KHDRBS2: variants seen among roughly 807,000 people sequenced by gnomAD.
The protein encoded by KHDRBS2 is KH domain-containing, RNA-binding, signal transduction-associated protein 2.
In KHDRBS2, 26 loss-of-function variants were observed where a neutral mutation model predicts 44.3. The ratio of observed to expected loss-of-function variants is 0.59; its 90% CI spans 0.43 to 0.81. The LOEUF is 0.81. Among genes scored for constraint, KHDRBS2 ranks in the 40% least tolerant of loss-of-function variants. KHDRBS2 has a pLI of 0.00. For synonymous variants in KHDRBS2, 194 were observed against 151.1 expected, an observed-to-expected ratio of 1.28 and a Z score of -2.08; for missense variants, 476 against 433.1, an observed-to-expected ratio of 1.10 and a Z score of -0.88.
chr6:62,254,656 T>G (rs1837080288), intron 1 of KHDRBS2, among the ~76,000 whole-genome samples: 1 of 151,982 alleles, frequency 6.6e-6, no homozygotes, highest in South Asian at 2.1e-4. Context: ...AAACCCACAC[T>G]GCTGGCATAA....
At chr6:62,269,309 T>C (rs1378408944) in intron 1 of KHDRBS2, among the ~76,000 whole-genome samples, 1 of 152,022 alleles carries the variant, frequency 6.6e-6, no homozygotes, top group Non-Finnish European at 1.5e-5. Context: ...CTGAGCCACA[T>C]ATTAGGGAAA....
chr6:61,593,253 G>A, the KHDRBS2 span, among the ~76,000 whole-genome samples: 52,263 of 151,878 alleles, frequency 0.34, 9,738 homozygotes, highest in East Asian at 0.49. Flanking sequence ...ATGTCAAGTT[G>A]TCTAGTTTCA....
rs530943289 is a variant in KHDRBS2, at chr6:61,823,285, T to C, written c.810+71350A>G. ...CCCCAGATCATCAGTGAGGAAAAAT[T>C]CAGTTTATATTGGAACCCTATAAAA... is the stretch of plus-strand genomic sequence containing the variant. On this transcript the variant is annotated intron_variant, in intron 6 of 8. Transcript: ENST00000281156. 2.6e-5 allele frequency among the ~76,000 whole-genome samples: 4 copies of C among 152,190 alleles called. No individual in the cohort carries two copies. In the East Asian group the frequency reaches 7.7e-4, roughly 29 times the overall value.
chr6:62,207,702 T>G (rs1828239934), intron 1 of KHDRBS2, among the ~76,000 whole-genome samples: 1 of 152,206 alleles, frequency 6.6e-6, no homozygotes, highest in African/African-American at 2.4e-5. Flanking sequence ...GATTGTCATA[T>G]GGCTAAACCT....
chr6:62,014,152 A>AATAAGT (rs573488135), intron 3 of KHDRBS2, among the ~76,000 whole-genome samples: 84 of 152,284 alleles, frequency 5.5e-4, no homozygotes, highest in African/African-American at 1.9e-3. Flanking sequence ...ATTTTAATAA[A>AATAAGT]ATTAGTTATT....
chr6:61,972,170 T>C (rs1240480367), intron 4 of KHDRBS2, among the ~76,000 whole-genome samples: 1 of 152,204 alleles, frequency 6.6e-6, no homozygotes, highest in African/African-American at 2.4e-5. Flanking sequence ...CATATGATTA[T>C]TATGCCAACT....
At chr6:61,951,253 G>C (rs1764676082) in intron 4 of KHDRBS2, among the ~76,000 whole-genome samples, 2 of 151,948 alleles carry the variant, frequency 1.3e-5, no homozygotes, top group Admixed American at 1.3e-4. Context: ...AGGTAGACTT[G>C]AGATTGACAA....
At chr6:62,131,181 C>T (rs769654938) in intron 2 of KHDRBS2, among the ~76,000 whole-genome samples, 1 of 152,162 alleles carries the variant, frequency 6.6e-6, no homozygotes, top group Non-Finnish European at 1.5e-5. Flanking sequence ...TTTGCCCACA[C>T]TTGAGAACCT....
At chr6:62,216,776 A>G (rs1174840656) in intron 1 of KHDRBS2, among the ~76,000 whole-genome samples, 1 of 150,094 alleles carries the variant, frequency 6.7e-6, no homozygotes, top group Non-Finnish European at 1.5e-5. Context: ...AGACCAGGAT[A>G]GACTTTAGAT....
At chr6:61,763,963 C>T (rs1779631970) in intron 6 of KHDRBS2, among the ~76,000 whole-genome samples, 1 of 152,102 alleles carries the variant, frequency 6.6e-6, no homozygotes, top group South Asian at 2.1e-4. Flanking sequence ...AGCTGTTTAT[C>T]CTGATGCTTT....
At chr6:61,547,688 C>T in the KHDRBS2 span, among the ~76,000 whole-genome samples, 3 of 152,244 alleles carry the variant, frequency 2.0e-5, no homozygotes, top group Non-Finnish European at 4.4e-5. Flanking sequence ...CCAATTAAGC[C>T]AGTGTCTCTA....
intron 4 of KHDRBS2, among the ~76,000 whole-genome samples, chr6:61,912,886 T>C (rs1806301878): frequency 6.6e-6 from 1 of 152,196 alleles, no homozygotes; most frequent in Non-Finnish European, 1.5e-5. Flanking sequence ...CTTTCAGTTC[T>C]TGGATCTCTT....
chr6:61,770,356 G>C (rs1458085315), intron 6 of KHDRBS2, among the ~76,000 whole-genome samples: 1 of 152,202 alleles, frequency 6.6e-6, no homozygotes, highest in Non-Finnish European at 1.5e-5. Context: ...GCCGAGTTGA[G>C]AGAAGAAGGC....
At chr6:62,166,614 T>C (rs1818742187) in intron 2 of KHDRBS2, among the ~76,000 whole-genome samples, 1 of 152,092 alleles carries the variant, frequency 6.6e-6, no homozygotes, top group Non-Finnish European at 1.5e-5. Flanking sequence ...CATTAATTTT[T>C]ACTTCCTTAT....
chr6:62,074,976 T>C (rs142756461), intron 2 of KHDRBS2, among the ~76,000 whole-genome samples: 94 of 152,056 alleles, frequency 6.2e-4, no homozygotes, highest in African/African-American at 2.2e-3. Context: ...AATTATGATT[T>C]TGATTAGTTA....
At chr6:61,941,944 A>C (rs565138917) in intron 4 of KHDRBS2, among the ~76,000 whole-genome samples, 4 of 152,072 alleles carry the variant, frequency 2.6e-5, no homozygotes, top group Non-Finnish European at 5.9e-5. Flanking sequence ...TTCCAGAAAA[A>C]GAATCCAAAT....
Position 62,190,226 on chromosome 6 carries a change from G to A in KHDRBS2, c.92-12914C>T, listed in dbSNP as rs143410006. 2.5e-3 allele frequency among the ~76,000 whole-genome samples: 382 copies of A among 152,264 alleles called. 3 individuals are homozygous for A. The highest frequency in any genetic ancestry group is 8.4e-3 in the African/African-American group (350 of 41,570). On this transcript the variant is annotated intron_variant, in intron 1 of 8. Coordinates refer to ENST00000281156, the MANE Select transcript of KHDRBS2 (RefSeq NM_152688.4). The stretch of plus-strand genomic sequence containing the variant: ...CTGACTCATCCTACTGAGAAGTATA[G>A]TTAAATGGAAGCTGAGTTTTGACTA...
intron 3 of KHDRBS2, among the ~76,000 whole-genome samples, chr6:62,033,708 A>C (rs1784756309): frequency 1.3e-5 from 2 of 151,416 alleles, no homozygotes; most frequent in South Asian, 2.1e-4. Context: ...ATATGCAAAC[A>C]TGAAGGAGAA....
intron 6 of KHDRBS2, among the ~76,000 whole-genome samples, chr6:61,768,834 CT>C (rs1317283254): frequency 6.6e-6 from 1 of 151,920 alleles, no homozygotes. Context: ...TATAAAAGTG[CT>C]TTTTTGTGTA....
Sources: allele counts gnomAD v4.1 joint callset (sites outside exome capture counted in the v4.1 genomes callset), GRCh38; gene constraint gnomAD v4.1.1; transcripts MANE v1.5; gene names NCBI Gene and HGNC (gene_info 2026-07-23, HGNC 2026-07-21).